The following CR1L variants were observed in gnomAD, a reference collection of about 807,000 sequenced individuals.
The protein encoded by CR1L is complement C3b/C4b receptor 1 like.
A neutral mutation model predicts 62.3 loss-of-function variants in CR1L; 59 were observed. The observed-to-expected ratio is 0.95, with a 90% CI of 0.77 to 1.18. The LOEUF (loss-of-function observed/expected upper bound fraction) is 1.18. Ranked by LOEUF, CR1L falls within the 50% of genes most tolerant of loss-of-function variation. The pLI is 0.00. For synonymous variants in CR1L, 279 were observed against 248.7 expected (o/e 1.12, Z -1.15); for missense variants, 700 against 702.8 (o/e 1.00, Z 0.04).
At chr1:207,707,785 T>TACACACACACACACACACACAA (rs1664290498) in intron 9 of CR1L, among the ~76,000 whole-genome samples, 1 of 126,706 alleles carries the variant, frequency 7.9e-6, no homozygotes, top group Non-Finnish European at 1.7e-5. Context: ...GGCATAGTAT[T>TACACACACACACACACACACAA]ACACACACAC....
At chr1:207,710,639 G>A in intron 10 of CR1L, 1 of 1,610,084 alleles carries the variant, frequency 6.2e-7, no homozygotes, top group Non-Finnish European at 8.5e-7. Flanking sequence ...TGGAATATTG[G>A]TGTCTGACAA....
intron 3 of CR1L, among the ~76,000 whole-genome samples, chr1:207,682,210 C>G (rs146215050): frequency 6.7e-6 from 1 of 148,860 alleles, no homozygotes; most frequent in African/African-American, 2.5e-5. Context: ...GTGGCTCATG[C>G]GTGTAATCCC....
intron 1 of CR1L, among the ~76,000 whole-genome samples, chr1:207,661,743 A>G (rs1277686273): frequency 6.6e-6 from 1 of 152,124 alleles, no homozygotes; most frequent in Non-Finnish European, 1.5e-5. Flanking sequence ...CCTAGCCTTG[A>G]TGGTCTTTAC....
chr1:207,698,225 T>A (rs1265242849), intron 7 of CR1L, among the ~76,000 whole-genome samples: 1 of 151,894 alleles, frequency 6.6e-6, no homozygotes, highest in Non-Finnish European at 1.5e-5. Context: ...AATTTAAGAG[T>A]CTCAGAAAAA....
intron 10 of CR1L, chr1:207,710,259 G>T (rs1431366644): frequency 2.7e-5 from 17 of 638,696 alleles, no homozygotes; most frequent in Non-Finnish European, 4.2e-5. Context: ...GGGGAGGATT[G>T]CTTGACCTGG....
chr1:207,658,037 A>C (rs1663345302), intron 1 of CR1L, among the ~76,000 whole-genome samples: 1 of 152,236 alleles, frequency 6.6e-6, no homozygotes, highest in Admixed American at 6.5e-5. Context: ...TAATCCATGC[A>C]TAAAAATAGT....
intron 1 of CR1L, among the ~76,000 whole-genome samples, chr1:207,662,028 T>C (rs1041687775): frequency 1.3e-5 from 2 of 152,252 alleles, no homozygotes; most frequent in African/African-American, 2.4e-5. Context: ...GTTAGTCTGA[T>C]GGGCGTCCCT....
At chr1:207,706,011 A>G (rs1664260261) in intron 9 of CR1L, among the ~76,000 whole-genome samples, 1 of 58,804 alleles carries the variant, frequency 1.7e-5, no homozygotes, top group South Asian at 8.9e-4. Context: ...GTGTGTGTGT[A>G]TGTATATATA....
At chr1:207,701,012 A>T (rs1664182879) in intron 8 of CR1L, among the ~76,000 whole-genome samples, 2 of 152,214 alleles carry the variant, frequency 1.3e-5, no homozygotes, top group Non-Finnish European at 2.9e-5. Flanking sequence ...AAGCGTTCAG[A>T]TAGGTGGATG....
intron 1 of CR1L, chr1:207,669,612 C>T: frequency 3.4e-6 from 4 of 1,170,308 alleles, no homozygotes; most frequent in East Asian, 2.5e-5. Flanking sequence ...GACGAGGCAC[C>T]CAGGGCCCCG....
rs775459050 is a variant in CR1L at position 207,645,276 on chromosome 1, C to A, written c.43C>A (p.Arg15Ser). Residue 15 changes from arginine to serine, a missense_variant, in exon 1 of 12, where the codon CGC becomes AGC. By Grantham distance (110) the Arg-to-Ser change is moderately radical. Transcript: ENST00000508064. ...TCTCGAGCGTCCCTTTCCTTCCCGGCGCTTTCCTGGGTTGCTTCTGGCGGC... is the reference window on the plus strand; with the variant it reads ...TCTCGAGCGTCCCTTTCCTTCCCGGAGCTTTCCTGGGTTGCTTCTGGCGGC... ...VRLERPFPSR[R>S]FPGLLLAALV... The A allele has an allele frequency of 2.9e-5, 46 of 1,613,772 alleles. No individual in the cohort carries two copies. The Middle Eastern group carries it at 3.4e-3, about 121-fold the overall frequency.
At chr1:207,711,568 T>G (rs1664357675) in intron 10 of CR1L, 1 of 152,430 alleles carries the variant, frequency 6.6e-6, no homozygotes, top group South Asian at 2.1e-4. Flanking sequence ...TCCAGGAAAG[T>G]TCTAAATAAC....
At chr1:207,687,885 C>T (rs895697424) in intron 4 of CR1L, among the ~76,000 whole-genome samples, 1 of 152,046 alleles carries the variant, frequency 6.6e-6, no homozygotes, top group African/African-American at 2.4e-5. Flanking sequence ...TTCTTTTTCC[C>T]TTCTTAATGA....
chr1:207,695,199 T>G (rs1174072569), intron 5 of CR1L, among the ~76,000 whole-genome samples: 1 of 152,170 alleles, frequency 6.6e-6, no homozygotes, highest in Non-Finnish European at 1.5e-5. Context: ...GATCATGGCT[T>G]ACTGCAACCG....
chr1:207,701,343 G>A (rs1241165644), intron 8 of CR1L, among the ~76,000 whole-genome samples, 176 bp from the exon 9 acceptor site: 2 of 152,082 alleles, frequency 1.3e-5, no homozygotes, highest in Non-Finnish European at 2.9e-5. Context: ...TTGAAAGTGG[G>A]GCTTAGTAGG....
chr1:207,645,337 C>A lies in CR1L; in HGVS notation c.97+7C>A, dbSNP rs368572716. On this transcript the variant is annotated splice_region_variant and intron_variant, in intron 1 of 11. Coordinates refer to ENST00000508064, the MANE Select transcript of CR1L (RefSeq NM_175710.2). ...CTGCTGTCCTCCTTCTCCGGTAGGA[C>A]CCCGGGGTGGATTCGCGCGTCCGCG... 6.2e-7 allele frequency: 1 copy of A among 1,613,868 alleles called. No individual in the cohort carries two copies. The highest frequency in any genetic ancestry group is 1.1e-5 in the South Asian group (1 of 91,084).
chr1:207,710,957 G>A, intron 10 of CR1L: 1 of 699,124 alleles, frequency 1.4e-6, no homozygotes, highest in Non-Finnish European at 2.4e-6. Context: ...TCATGCATAT[G>A]TGTCTTCATT....
chr1:207,699,305 T>C, intron 8 of CR1L, 31 bp downstream of exon 8: 8 of 1,612,380 alleles, frequency 5.0e-6, no homozygotes, highest in Non-Finnish European at 6.8e-6. Flanking sequence ...TTCAGGCCAA[T>C]CTCTCCCCTT....
At chr1:207,682,960 TTTTCTTTCTTTC>T (rs141205339) in intron 3 of CR1L, among the ~76,000 whole-genome samples, 11 of 140,212 alleles carry the variant, frequency 7.8e-5, no homozygotes, top group East Asian at 5.3e-4. Flanking sequence ...TTATAAATCA[TTTTCTTTCTTTC>T]TTTCTTTCTT....
Sources: allele counts gnomAD v4.1 joint callset (sites outside exome capture counted in the v4.1 genomes callset), GRCh38; gene constraint gnomAD v4.1.1; transcripts MANE v1.5; gene names NCBI Gene and HGNC (gene_info 2026-07-23, HGNC 2026-07-21).